Variants in WNT4 observed in about 807,000 individuals in gnomAD.
WNT4 encodes the protein Wnt family member 4, also known as protein Wnt-4.
A neutral mutation model predicts 34.5 loss-of-function variants in WNT4; 16 were observed. That is an observed-to-expected ratio of 0.46 (90% CI 0.31 to 0.70). WNT4 has a LOEUF of 0.70. Among genes scored for constraint, WNT4 ranks in the 30% least tolerant of loss-of-function variants. The pLI is 0.04. For synonymous variants in WNT4, 200 were observed against 211.9 expected (o/e 0.94, Z 0.49); for missense variants, 379 against 495.9 (o/e 0.76, Z 2.24).
chr1:22,137,659 G>C lies in WNT4; in HGVS notation c.77+5187C>G, dbSNP rs1646032939. Among the ~76,000 whole-genome samples the C allele has an allele frequency of 6.6e-6, 1 of 152,226 alleles. No individual in the cohort carries two copies. The highest frequency in any genetic ancestry group is 2.1e-4 in the South Asian group (1 of 4,834). ...CTCAATTGCTAATCCAGGGCTGAGG[G>C]AAGAAAGTCAAACCATAGCAGACAG... is the stretch of plus-strand genomic sequence containing the variant. On this transcript the variant is annotated intron_variant, in intron 1 of 4. Coordinates refer to ENST00000290167, the MANE Select transcript of WNT4 (RefSeq NM_030761.5). The surrounding 1 kb of genome is among the most constrained non-coding windows in gnomAD (Gnocchi z 5.3).
chr1:22,126,651 C>T (rs538625092), intron 2 of WNT4, among the ~76,000 whole-genome samples: 10 of 152,312 alleles, frequency 6.6e-5, no homozygotes, highest in East Asian at 5.8e-4. Flanking sequence ...CCATGTCTGA[C>T]GCCACAACCC....
rs567720188 is a variant in WNT4, at chr1:22,125,624, A to G, written c.313+3992T>C. Among the ~76,000 whole-genome samples the G allele has an allele frequency of 1.4e-4, 21 of 152,290 alleles. No homozygotes were observed. The East Asian group carries it at 2.3e-3, about 17-fold the overall frequency. On this transcript the variant is annotated intron_variant, in intron 2 of 4. Transcript: ENST00000290167. ...CAGGGCACCACATGGCCTCCCAGTC[A>G]CAGCAGTCAGACCCTGAAGGGGCCT...
chr1:22,135,747 C>T (rs968791776), intron 1 of WNT4, among the ~76,000 whole-genome samples: 4 of 152,128 alleles, frequency 2.6e-5, no homozygotes, highest in Non-Finnish European at 5.9e-5. Flanking sequence ...GCTGCCTTCA[C>T]CCCTCAGCCT....
intron 1 of WNT4, among the ~76,000 whole-genome samples, chr1:22,130,537 G>A (rs994974807): frequency 2.6e-5 from 4 of 152,260 alleles, no homozygotes; most frequent in Admixed American, 2.6e-4. Flanking sequence ...AGCACACTGA[G>A]TCTCCCAAGG....
chr1:22,132,798 C>T (rs550395828), intron 1 of WNT4, among the ~76,000 whole-genome samples: 1 of 152,278 alleles, frequency 6.6e-6, no homozygotes, highest in African/African-American at 2.4e-5. Flanking sequence ...CTGCCTTCAT[C>T]TGGCACAGCA....
rs1646053357 is a variant in WNT4 at position 22,139,996 on chromosome 1, C to G, written c.77+2850G>C. Among the ~76,000 whole-genome samples the G allele has an allele frequency of 6.6e-6, 1 of 152,238 alleles. No individual in the cohort carries two copies. On this transcript the variant is annotated intron_variant, in intron 1 of 4. Transcript: ENST00000290167. This position sits in a 1 kb window ranked among gnomAD's most constrained non-coding sequence, Gnocchi z 4.6. ...CCTCCCAGCTCCAGGCTCCATCCTG[C>G]CCAACAGCTGCACGCGGCGGGACAC...
rs57423947 is a variant in WNT4, at chr1:22,139,136, G to A, written c.77+3710C>T. On this transcript the variant is annotated intron_variant, in intron 1 of 4. Transcript: ENST00000290167. The surrounding 1 kb of genome is among the most constrained non-coding windows in gnomAD (Gnocchi z 4.6). ...ACCTGTGTTAAATCAGTGGATCTGG[G>A]TGGGACAGCCTGGGATAAACAGGGC... 0.079 allele frequency among the ~76,000 whole-genome samples: 11,960 copies of A among 152,224 alleles called. 733 individuals carry two copies. Among genetic ancestry groups the A allele is most frequent in the African/African-American group, 0.15 (6,345 of 41,526 alleles).
At chr1:22,130,041 G>C (rs564368606) in intron 1 of WNT4, among the ~76,000 whole-genome samples, 190 bp from the exon 2 acceptor site, 3 of 152,304 alleles carry the variant, frequency 2.0e-5, no homozygotes, top group South Asian at 4.1e-4. Flanking sequence ...GAGTGGAAAT[G>C]CTGTCTTCTG....
intron 2 of WNT4, among the ~76,000 whole-genome samples, chr1:22,124,463 A>G (rs1645926106): frequency 6.6e-6 from 1 of 152,184 alleles, no homozygotes; most frequent in Admixed American, 6.5e-5. Flanking sequence ...CAAGGTGCTA[A>G]GGCTGCCTGG....
chr1:22,135,253 G>A (rs1013764575), intron 1 of WNT4, among the ~76,000 whole-genome samples: 3 of 152,210 alleles, frequency 2.0e-5, no homozygotes, highest in African/African-American at 4.8e-5. Context: ...CAATAGTCAC[G>A]TGCTTCAGTA....
chr1:22,128,786 C>T (rs1426028658), intron 2 of WNT4, among the ~76,000 whole-genome samples: 1 of 151,746 alleles, frequency 6.6e-6, no homozygotes, highest in Non-Finnish European at 1.5e-5. Flanking sequence ...GTGGCACGAT[C>T]TCAGCTCACT....
chr1:22,118,255 A>G lies in WNT4; in HGVS notation c.*1795T>C, dbSNP rs1461625780. On this transcript the variant is annotated 3_prime_UTR_variant, in exon 5 of 5. Transcript: ENST00000290167. ...CGGACGTTGAATTCAGCCACTGAAC[A>G]CAGGAGCCAGGAGCTTGGAGTCTGG... 6 of 152,242 alleles carry G rather than the reference A, an allele frequency of 3.9e-5. No individual in the cohort carries two copies. The highest frequency in any genetic ancestry group is 1.3e-4 in the Admixed American group (2 of 15,282). The allele number at this position is 152,242 out of a possible 1,614,324, so 9.4% of individuals were successfully genotyped here.
At chr1:22,122,773 A>G (rs150573534) in intron 2 of WNT4, among the ~76,000 whole-genome samples, 2 of 152,324 alleles carry the variant, frequency 1.3e-5, no homozygotes, top group Non-Finnish European at 2.9e-5. Context: ...GGTCAGATGG[A>G]AACAATCACC....
intron 1 of WNT4, among the ~76,000 whole-genome samples, chr1:22,132,601 A>C (rs978094706): frequency 6.6e-6 from 1 of 152,122 alleles, no homozygotes; most frequent in Non-Finnish European, 1.5e-5. Context: ...AAGTAGTAAG[A>C]TGGACCAGGG....
chr1:22,121,796 G>A (rs191324591), intron 2 of WNT4, among the ~76,000 whole-genome samples: 1 of 152,300 alleles, frequency 6.6e-6, no homozygotes, highest in Non-Finnish European at 1.5e-5. Flanking sequence ...CTTTTCAAAC[G>A]TGCAGATGCT....
rs1006485675 is a variant in WNT4 at position 22,134,614 on chromosome 1, G to A, written c.78-4763C>T. Among the ~76,000 whole-genome samples, 3 of 152,200 alleles carry A rather than the reference G, an allele frequency of 2.0e-5. No individual in the cohort carries two copies. Among genetic ancestry groups the A allele is most frequent in the Non-Finnish European group, 2.9e-5 (2 of 68,036 alleles). On this transcript the variant is annotated intron_variant, in intron 1 of 4. Coordinates refer to ENST00000290167, the MANE Select transcript of WNT4 (RefSeq NM_030761.5). The surrounding 1 kb of genome is among the most constrained non-coding windows in gnomAD (Gnocchi z 4.1). The stretch of plus-strand genomic sequence containing the variant: ...TTAGTGAACACCTCTGAGCCTCAGC[G>A]TGTTCATCTGTAAAGTGGGGAGACT...
rs942169376 is a variant in WNT4 at position 22,139,450 on chromosome 1, G to T, written c.77+3396C>A. Among the ~76,000 whole-genome samples the T allele has an allele frequency of 1.3e-5, 2 of 152,142 alleles. No homozygotes were observed. Among genetic ancestry groups the T allele is most frequent in the Admixed American group, 1.3e-4 (2 of 15,282 alleles). ...CACTCAGCTGGGCAGGGCAGAGCTC[G>T]GTTGGATCTCAAAGACCCACTTCTT... On this transcript the variant is annotated intron_variant, in intron 1 of 4. Coordinates refer to ENST00000290167, the MANE Select transcript of WNT4 (RefSeq NM_030761.5). The surrounding 1 kb of genome is among the most constrained non-coding windows in gnomAD (Gnocchi z 4.6).
At position 22,137,820 on chromosome 1, in the gene WNT4, C is replaced by T. The variant is rs1050271810; in HGVS notation, c.77+5026G>A. 1.3e-5 allele frequency among the ~76,000 whole-genome samples: 2 copies of T among 152,082 alleles called. No individual in the cohort carries two copies. The highest frequency in any genetic ancestry group is 2.4e-5 in the African/African-American group (1 of 41,404). On this transcript the variant is annotated intron_variant, in intron 1 of 4. Coordinates refer to ENST00000290167, the MANE Select transcript of WNT4 (RefSeq NM_030761.5). The surrounding 1 kb of genome is among the most constrained non-coding windows in gnomAD (Gnocchi z 5.3). ...AGCAGTGAGGGGCAGAGCAGCAGAT[C>T]GGGGGGGCAACAGACACACTTCCTG... is the stretch of plus-strand genomic sequence containing the variant.
At chr1:22,135,648 G>A (rs1646016212) in intron 1 of WNT4, among the ~76,000 whole-genome samples, 1 of 152,274 alleles carries the variant, frequency 6.6e-6, no homozygotes, top group Admixed American at 6.5e-5. Flanking sequence ...TGTAGCTGTT[G>A]GGGCCATGGA....
Sources: gnomAD v4.1 joint callset for allele counts (sites outside exome capture counted in the v4.1 genomes callset) on GRCh38, gnomAD v4.1.1 for gene constraint, Gnocchi (gnomAD v3.1) non-coding constraint, MANE v1.5 for transcripts, NCBI Gene and HGNC (gene_info 2026-07-23, HGNC 2026-07-21) for gene names.